KCNIP4: variants seen among roughly 807,000 people sequenced by gnomAD.
KCNIP4 encodes the protein potassium voltage-gated channel interacting protein 4.
In KCNIP4, 12 loss-of-function variants were observed where a neutral mutation model predicts 34.0. The observed-to-expected ratio is 0.35, with a 90% CI of 0.23 to 0.57. The LOEUF (loss-of-function observed/expected upper bound fraction) is 0.57, where lower values mean the gene tolerates loss of function less well. Ranked by LOEUF, KCNIP4 falls within the 20% of genes least tolerant of loss-of-function variation. The pLI, the probability that KCNIP4 is intolerant of heterozygous loss-of-function variation, is 0.83. For synonymous variants in KCNIP4, 124 were observed against 102.2 expected (o/e 1.21, Z -1.29); for missense variants, 238 against 311.7 (o/e 0.76, Z 1.78).
chr4:21,003,171 T>A (rs1169769983), intron 1 of KCNIP4, among the ~76,000 whole-genome samples: 1 of 152,198 alleles, frequency 6.6e-6, no homozygotes, highest in Non-Finnish European at 1.5e-5. Flanking sequence ...CTTATGTCAC[T>A]TCCTGAAGGT....
At chr4:21,107,444 T>C (rs747803035) in intron 1 of KCNIP4, among the ~76,000 whole-genome samples, 8 of 151,292 alleles carry the variant, frequency 5.3e-5, no homozygotes, top group Non-Finnish European at 1.2e-4. Flanking sequence ...TTGTTTTCCA[T>C]TTGCTCGGTA....
chr4:21,249,590 A>G (rs2109073737), intron 1 of KCNIP4, among the ~76,000 whole-genome samples: 1 of 152,268 alleles, frequency 6.6e-6, no homozygotes, highest in African/African-American at 2.4e-5. Flanking sequence ...TGTCCAGCAC[A>G]GAGTAGGTAC....
intron 1 of KCNIP4, among the ~76,000 whole-genome samples, chr4:20,997,083 G>A (rs149964092): frequency 1.1e-4 from 17 of 152,170 alleles, no homozygotes; most frequent in African/African-American, 3.6e-4. Flanking sequence ...GGAAAACTAC[G>A]AAGACCTGCA....
In KCNIP4 at chr4:21,610,063, G is replaced by T. The variant is rs141265524; in HGVS notation, c.61+338508C>A. The stretch of plus-strand genomic sequence containing the variant: ...CTGCTACCTTAGGGATACTTCTCCT[G>T]CTGTCTTTAGATTATAAAACCATTT... On this transcript the variant is annotated intron_variant, in intron 1 of 8. Coordinates refer to ENST00000382152, the MANE Select transcript of KCNIP4 (RefSeq NM_025221.6). 3.2e-3 allele frequency among the ~76,000 whole-genome samples: 491 copies of T among 152,332 alleles called. 1 individual carries two copies. Among genetic ancestry groups the T allele is most frequent in the African/African-American group, 0.011 (469 of 41,588 alleles).
At chr4:20,990,852 GC>G (rs1737021995) in intron 1 of KCNIP4, among the ~76,000 whole-genome samples, 1 of 152,076 alleles carries the variant, frequency 6.6e-6, no homozygotes, top group Non-Finnish European at 1.5e-5. Context: ...CACTGGGCTG[GC>G]TTTAAGGCCG....
At chr4:21,490,489 G>A (rs1732295122) in intron 1 of KCNIP4, among the ~76,000 whole-genome samples, 1 of 151,840 alleles carries the variant, frequency 6.6e-6, no homozygotes, top group Non-Finnish European at 1.5e-5. Context: ...AAGGTAGTAA[G>A]GCTGAAGGAA....
intron 2 of KCNIP4, among the ~76,000 whole-genome samples, chr4:20,880,973 A>C (rs1275703443): frequency 6.6e-6 from 1 of 152,188 alleles, no homozygotes; most frequent in Non-Finnish European, 1.5e-5. Flanking sequence ...GCATTGGCTT[A>C]GTGCTAACGA....
intron 1 of KCNIP4, among the ~76,000 whole-genome samples, chr4:21,138,164 T>G (rs1751658740): frequency 6.6e-6 from 1 of 152,122 alleles, no homozygotes; most frequent in Non-Finnish European, 1.5e-5. Context: ...GCCATCTACA[T>G]GTCTTCGCTT....
At chr4:21,183,207 A>G (rs922296838) in intron 1 of KCNIP4, among the ~76,000 whole-genome samples, 1 of 152,112 alleles carries the variant, frequency 6.6e-6, no homozygotes, top group African/African-American at 2.4e-5. Flanking sequence ...AAAAGGCCAG[A>G]TAGTATTCTA....
chr4:21,842,269 C>T (rs1007970735), intron 1 of KCNIP4, among the ~76,000 whole-genome samples: 3 of 151,964 alleles, frequency 2.0e-5, no homozygotes, highest in Non-Finnish European at 4.4e-5. Flanking sequence ...CTCCTCATAC[C>T]TTATTACTAA....
chr4:20,822,772 A>T (rs974828659), intron 3 of KCNIP4, among the ~76,000 whole-genome samples: 1 of 152,160 alleles, frequency 6.6e-6, no homozygotes, highest in African/African-American at 2.4e-5. Flanking sequence ...GTTCCTCCAA[A>T]ATTTATATGT....
At chr4:20,904,309 A>T (rs1727486992) in intron 1 of KCNIP4, among the ~76,000 whole-genome samples, 1 of 143,828 alleles carries the variant, frequency 7.0e-6, no homozygotes, top group African/African-American at 2.5e-5. Context: ...ATTTAAAACT[A>T]TATATATGTA....
intron 1 of KCNIP4, among the ~76,000 whole-genome samples, chr4:21,499,572 A>G (rs1034138573): frequency 1.3e-5 from 2 of 152,098 alleles, no homozygotes; most frequent in African/African-American, 4.8e-5. Flanking sequence ...CTTCTTCTCC[A>G]ACAGAAATCT....
intron 1 of KCNIP4, among the ~76,000 whole-genome samples, chr4:21,465,025 A>G (rs35371103): frequency 0.12 from 17,797 of 152,056 alleles, 1,237 homozygotes; most frequent in South Asian, 0.16. Flanking sequence ...TAATCTTGAC[A>G]GGATTGTTGG....
chr4:20,926,031 C>T (rs975756081), intron 1 of KCNIP4, among the ~76,000 whole-genome samples: 4 of 152,158 alleles, frequency 2.6e-5, no homozygotes, highest in East Asian at 3.8e-4. Flanking sequence ...TTTGAGACTC[C>T]GAGAAGGAAA....
chr4:21,658,867 C>A (rs1748195693), intron 1 of KCNIP4, among the ~76,000 whole-genome samples: 2 of 152,148 alleles, frequency 1.3e-5, no homozygotes, highest in South Asian at 2.1e-4. Flanking sequence ...CGGTCTAAAT[C>A]TTTCCTTCAG....
intron 1 of KCNIP4, among the ~76,000 whole-genome samples, chr4:21,397,699 T>C (rs909503632): frequency 6.6e-6 from 1 of 152,202 alleles, no homozygotes; most frequent in African/African-American, 2.4e-5. Context: ...GTTAATGAAT[T>C]TGATGATGCT....
intron 1 of KCNIP4, among the ~76,000 whole-genome samples, chr4:21,326,984 C>A (rs1715144195): frequency 6.6e-6 from 1 of 151,806 alleles, no homozygotes; most frequent in Non-Finnish European, 1.5e-5. Flanking sequence ...CTGTTTATAT[C>A]TTATTATTGT....
intron 1 of KCNIP4, among the ~76,000 whole-genome samples, chr4:21,768,598 T>A (rs1297661403): frequency 6.6e-6 from 1 of 152,128 alleles, no homozygotes; most frequent in Non-Finnish European, 1.5e-5. Context: ...AAACTTTATT[T>A]TTATAAATGA....
Sources: allele counts gnomAD v4.1 joint callset (sites outside exome capture counted in the v4.1 genomes callset), GRCh38; gene constraint gnomAD v4.1.1; transcripts MANE v1.5; gene names NCBI Gene and HGNC (gene_info 2026-07-23, HGNC 2026-07-21).